Variants in LIPC observed in about 807,000 individuals in gnomAD.
LIPC encodes hepatic triacylglycerol lipase.
In LIPC, 44 loss-of-function variants were observed where a neutral mutation model predicts 50.7. That is an observed-to-expected ratio of 0.87 (90% CI 0.68 to 1.11). The LOEUF is 1.11. LIPC is among the 50% of genes most tolerant of loss of function. The pLI is 0.00. For missense variants in LIPC, 697 were observed against 648.2 expected (o/e 1.08, Z -0.82); for synonymous variants, 271 against 256.4 (o/e 1.06, Z -0.54).
intron 6 of LIPC, 45 bp downstream of exon 6, chr15:58,548,617 C>T: frequency 1.3e-6 from 2 of 1,567,054 alleles, no homozygotes; most frequent in Non-Finnish European, 8.6e-7. Flanking sequence ...GGATGCAGTC[C>T]CCTGTCCAAA....
chr15:58,477,260 G>T (rs1176594902), intron 1 of LIPC, among the ~76,000 whole-genome samples: 10 of 152,200 alleles, frequency 6.6e-5, no homozygotes, highest in African/African-American at 2.4e-4. Context: ...GTCTTTGGAT[G>T]GGGTAAAGCA....
chr15:58,446,247 G>T (rs1203362237), intron 1 of LIPC, among the ~76,000 whole-genome samples: 1 of 151,962 alleles, frequency 6.6e-6, no homozygotes, highest in Non-Finnish European at 1.5e-5. Context: ...TGTCACCCAC[G>T]CTGGAGTGCA....
At chr15:58,537,151 C>G (rs1392103368) in intron 1 of LIPC, among the ~76,000 whole-genome samples, 1 of 152,226 alleles carries the variant, frequency 6.6e-6, no homozygotes, top group Non-Finnish European at 1.5e-5. Context: ...GATCCCTAAT[C>G]TTGGCAGAAA....
At chr15:58,489,087 G>A (rs1891477030) in intron 1 of LIPC, among the ~76,000 whole-genome samples, 1 of 151,952 alleles carries the variant, frequency 6.6e-6, no homozygotes, top group African/African-American at 2.4e-5. Context: ...ACAATACTGA[G>A]CTGACCTTAC....
chr15:58,521,821 G>A (rs1892662788), intron 1 of LIPC: 2 of 152,238 alleles, frequency 1.3e-5, no homozygotes, highest in Admixed American at 6.5e-5. Flanking sequence ...AAGTTAAGCA[G>A]GTTATATAAG....
intron 1 of LIPC, among the ~76,000 whole-genome samples, chr15:58,519,953 C>G (rs1892603970): frequency 6.6e-6 from 1 of 152,046 alleles, no homozygotes; most frequent in South Asian, 2.1e-4. Context: ...TTATTCTTCT[C>G]TTTTGAAACT....
Position 58,560,949 on chromosome 15 carries a change from A to C in LIPC, c.1137A>C (p.Thr379=). ...QTTFTMSLLG[T]KEKMQKIPIT... ...CTTTTACCATGTCACTACTCGGAAC[A>C]AAAGAGAAAATGCAGAAAATTCCCA... The change falls in exon 7 of 9, where the codon ACA becomes ACC. Residue 379 remains threonine, a synonymous_variant. Transcript: ENST00000299022. The C allele has an allele frequency of 6.4e-7, 1 of 1,568,478 alleles. No individual in the cohort carries two copies. Among genetic ancestry groups the C allele is most frequent in the Non-Finnish European group, 8.8e-7 (1 of 1,138,142 alleles).
intron 1 of LIPC, among the ~76,000 whole-genome samples, chr15:58,533,377 T>C (rs78797281): frequency 0.012 from 1,835 of 152,288 alleles, 35 homozygotes; most frequent in African/African-American, 0.035. Context: ...CTTTTAAAAA[T>C]GCTGAAGATC....
At chr15:58,566,554 A>G (rs1330296818) in intron 8 of LIPC, 1 of 657,270 alleles carries the variant, frequency 1.5e-6, no homozygotes, top group Non-Finnish European at 1.9e-6. Flanking sequence ...CACTCGTAAT[A>G]TCGCTGCTAA....
intron 6 of LIPC, among the ~76,000 whole-genome samples, chr15:58,558,476 TC>T (rs1395753956): frequency 6.6e-6 from 1 of 151,908 alleles, no homozygotes; most frequent in Non-Finnish European, 1.5e-5. Context: ...ACAGCAGGGG[TC>T]CCCAACCCCC....
intron 1 of LIPC, among the ~76,000 whole-genome samples, chr15:58,528,204 A>T (rs572975404): frequency 1.3e-5 from 2 of 151,780 alleles, no homozygotes; most frequent in South Asian, 4.2e-4. Context: ...TGCTTTCCTC[A>T]TGCTGCAAGC....
intron 1 of LIPC, among the ~76,000 whole-genome samples, chr15:58,461,472 T>C (rs1894345742): frequency 6.6e-6 from 1 of 152,202 alleles, no homozygotes; most frequent in South Asian, 2.1e-4. Context: ...TGGCTCGATC[T>C]TGGCTCACTG....
chr15:58,563,650 T>A lies in LIPC; in HGVS notation c.1315T>A (p.Trp439Arg), dbSNP rs373806357. Residue 439 changes from tryptophan (W) to arginine (R), a missense_variant, in exon 8 of 9, where the codon TGG (tryptophan) becomes AGG (arginine). Trp to Arg is a moderately radical substitution (Grantham distance 101). Coordinates refer to ENST00000299022, the MANE Select transcript of LIPC (RefSeq NM_000236.3). The stretch of plus-strand genomic sequence containing the variant: ...GGACACGGTCCAGACCATCATCCCA[T>A]GGAGCACAGGGCCGCGCCACTCAGG... ...VWDTVQTIIP[W>R]STGPRHSGLV... 27 of 1,614,030 alleles carry A rather than the reference T, an allele frequency of 1.7e-5. No individual in the cohort carries two copies. Among genetic ancestry groups the A allele is most frequent in the African/African-American group, 2.7e-5 (2 of 74,904 alleles).
chr15:58,462,073 G>A lies in LIPC; in HGVS notation c.88+29953G>A, dbSNP rs183379167. Among the ~76,000 whole-genome samples the A allele has an allele frequency of 2.0e-5, 3 of 152,278 alleles. No homozygotes were observed. In the East Asian group the frequency reaches 5.8e-4, roughly 29 times the overall value. On this transcript the variant is annotated intron_variant, in intron 1 of 8. Transcript: ENST00000299022. ...ATGCCAAATGTCTGTACCCCTCTGT[G>A]TCCAAGTGAGGCCCACCTTCCTCTT...
chr15:58,487,670 G>A (rs749086332), intron 1 of LIPC, among the ~76,000 whole-genome samples: 42 of 152,326 alleles, frequency 2.8e-4, no homozygotes, highest in Non-Finnish European at 2.6e-4. Flanking sequence ...ATAGCTTTCT[G>A]TAGAGTGGGG....
chr15:58,517,970 G>C (rs1236499461), intron 1 of LIPC, among the ~76,000 whole-genome samples: 1 of 152,194 alleles, frequency 6.6e-6, no homozygotes, highest in East Asian at 1.9e-4. Context: ...CTGACTCTTG[G>C]TCAAGAGCTC....
rs1421777506 is a variant in LIPC at position 58,567,335 on chromosome 15, ATATGTATATG to A, written c.1389-1377_1389-1368del. 6.3e-3 allele frequency among the ~76,000 whole-genome samples: 104 copies of A among 16,508 alleles called. 2 individuals carry two copies. The East Asian group carries it at 0.15, about 24-fold the overall frequency. The allele number at this position is 16,508 out of a possible 152,430, so 10.8% of individuals were successfully genotyped here. A position where few individuals can be genotyped will look rare whatever the true frequency, so the allele number is the denominator to read the frequency against. On this transcript the variant is annotated intron_variant, in intron 8 of 8. Transcript: ENST00000299022. Reference sequence around the variant, plus strand: ...TATATGTATATGTGTATATATATATATATGTATATGTATATATATATATGTATATGTATAT... The same window carrying A: ...TATATGTATATGTGTATATATATATATATATATATATATGTATATGTATAT...
chr15:58,485,861 T>C (rs1387768167), intron 1 of LIPC, among the ~76,000 whole-genome samples: 1 of 152,222 alleles, frequency 6.6e-6, no homozygotes, highest in East Asian at 1.9e-4. Flanking sequence ...TAGATTACGG[T>C]TGAGAACAAT....
At chr15:58,552,682 G>A (rs1415184927) in intron 6 of LIPC, among the ~76,000 whole-genome samples, 4 of 152,154 alleles carry the variant, frequency 2.6e-5, no homozygotes, top group Admixed American at 6.5e-5. Context: ...TCGGGCAGTC[G>A]GTCTGTTTTT....
Sources: allele counts gnomAD v4.1 joint callset (sites outside exome capture counted in the v4.1 genomes callset), GRCh38; gene constraint gnomAD v4.1.1; transcripts MANE v1.5; gene names NCBI Gene and HGNC (gene_info 2026-07-23, HGNC 2026-07-21).